Variants in EMID1 observed in about 807,000 individuals in gnomAD.
EMID1 encodes the protein EMI domain containing 1, also known as EMI domain-containing protein 1.
EMID1 carries 40 observed loss-of-function variants against 60.6 expected under a neutral mutation model. That is an observed-to-expected ratio of 0.66 (90% confidence interval 0.51 to 0.86). EMID1 has a LOEUF of 0.86. EMID1 is among the 40% of genes least tolerant of loss of function. The probability of loss-of-function intolerance (pLI) is 0.00; values close to 1 mark genes in which losing one functional copy is unlikely to be tolerated. For missense variants in EMID1, 585 were observed against 597.1 expected (o/e 0.98, Z 0.21); for synonymous variants, 242 against 231.0 (o/e 1.05, Z -0.43).
At chr22:29,215,742 TG>T in intron 3 of EMID1, 112 bp downstream of exon 3, 1 of 805,342 alleles carries the variant, frequency 1.2e-6, no homozygotes, top group Non-Finnish European at 2.0e-6. Flanking sequence ...CCATGCCTGC[TG>T]GGGCCAGCTG....
At chr22:29,241,952 C>T (rs2041168974) in intron 12 of EMID1, among the ~76,000 whole-genome samples, 1 of 151,974 alleles carries the variant, frequency 6.6e-6, no homozygotes, top group Admixed American at 6.6e-5. Flanking sequence ...GCTCTGTCAC[C>T]CAGGCTGGAG....
At chr22:29,207,971 G>A (rs1270253270) in intron 1 of EMID1, among the ~76,000 whole-genome samples, 3 of 152,224 alleles carry the variant, frequency 2.0e-5, no homozygotes, top group Non-Finnish European at 4.4e-5. Flanking sequence ...CAGGCTTGAT[G>A]TGTGACCTCA....
chr22:29,254,678 A>G (rs936383809), intron 14 of EMID1: 6 of 226,962 alleles, frequency 2.6e-5, no homozygotes, highest in African/African-American at 4.6e-5. Context: ...GCAAGGAACC[A>G]TGGGGAATCC....
intron 12 of EMID1, among the ~76,000 whole-genome samples, chr22:29,237,048 G>A: frequency 6.6e-6 from 1 of 151,898 alleles, no homozygotes; most frequent in East Asian, 2.0e-4. Flanking sequence ...ACCGGCCTTG[G>A]CCTCCCAAAG....
At chr22:29,255,559 A>G (rs2041672572) in intron 14 of EMID1, 1 of 438,486 alleles carries the variant, frequency 2.3e-6, no homozygotes, top group Non-Finnish European at 4.1e-6. Flanking sequence ...GCTCTGTGCC[A>G]GGCACCTTGC....
chr22:29,252,896 A>G (rs2041577643), intron 13 of EMID1, among the ~76,000 whole-genome samples: 1 of 152,224 alleles, frequency 6.6e-6, no homozygotes, highest in African/African-American at 2.4e-5. Flanking sequence ...CAGGGAGCCC[A>G]AAGCGTGAAG....
rs569772060 is a variant in EMID1 at position 29,216,514 on chromosome 22, A to C, written c.319+884A>C. 156 of 985,460 alleles carry C rather than the reference A, an allele frequency of 1.6e-4. No homozygotes were observed. The African/African-American group carries it at 2.5e-3, about 16-fold the overall frequency. The allele number at this position is 985,460 out of a possible 1,614,324, so 61.0% of individuals were successfully genotyped here. Reference sequence around the variant, plus strand: ...AGGGACAGAAGCATTCAGGGCCCCCACAGCAGCACATGAACGTGAACATCA... The same window carrying C: ...AGGGACAGAAGCATTCAGGGCCCCCCCAGCAGCACATGAACGTGAACATCA... On this transcript the variant is annotated intron_variant, in intron 3 of 14. Transcript: ENST00000334018.
At chr22:29,216,656 A>C (rs1247515338) in intron 3 of EMID1, 1 of 985,306 alleles carries the variant, frequency 1.0e-6, no homozygotes, top group Non-Finnish European at 1.2e-6. Context: ...GGAGATTTGC[A>C]CACTTCACCT....
chr22:29,255,441 C>T, intron 14 of EMID1: 1 of 1,085,288 alleles, frequency 9.2e-7, no homozygotes, highest in Non-Finnish European at 1.2e-6. Context: ...AAGGCGCCTT[C>T]CGATGCTTGG....
chr22:29,232,612 C>T, intron 8 of EMID1: 1 of 573,078 alleles, frequency 1.7e-6, no homozygotes, highest in Non-Finnish European at 2.9e-6. Context: ...TTGCCAGGGT[C>T]CCACAGCCTG....
chr22:29,236,559 C>T (rs1050936261), intron 12 of EMID1, among the ~76,000 whole-genome samples: 1 of 151,844 alleles, frequency 6.6e-6, no homozygotes, highest in Admixed American at 6.6e-5. Context: ...GGTATGGTGG[C>T]GCACTCCTGT....
At position 29,259,215 on chromosome 22, in the gene EMID1, G is replaced by A. The variant is rs1004277794; in HGVS notation, c.*271G>A. 4.2e-6 allele frequency: 2 copies of A among 481,900 alleles called. No homozygotes were observed. Among genetic ancestry groups the A allele is most frequent in the African/African-American group, 2.1e-5 (1 of 48,650 alleles). 29.9% of individuals were successfully genotyped at this position (481,900 alleles called of 1,614,324 possible). A position where few individuals can be genotyped will look rare whatever the true frequency, so the allele number is the denominator to read the frequency against. ...AGGAGGGATAGAGGTACAAGGCTTC[G>A]TCTCATCTGCTGTCTGAGCATCCAG... On this transcript the variant is annotated 3_prime_UTR_variant, in exon 15 of 15. Transcript: ENST00000334018.
chr22:29,226,715 G>A (rs2040526346), intron 5 of EMID1, among the ~76,000 whole-genome samples, 164 bp downstream of exon 5: 1 of 152,152 alleles, frequency 6.6e-6, no homozygotes, highest in Non-Finnish European at 1.5e-5. Flanking sequence ...CCCCTGTCAG[G>A]CATGTCATGG....
At chr22:29,230,814 T>C (rs1162630628) in intron 5 of EMID1, among the ~76,000 whole-genome samples, 1 of 152,050 alleles carries the variant, frequency 6.6e-6, no homozygotes, top group Non-Finnish European at 1.5e-5. Flanking sequence ...AAATTTGCCA[T>C]GTGTGGTGGT....
At chr22:29,252,556 T>C (rs1186216827) in intron 13 of EMID1, among the ~76,000 whole-genome samples, 1 of 151,274 alleles carries the variant, frequency 6.6e-6, no homozygotes, top group Non-Finnish European at 1.5e-5. Context: ...GAGGAAGGAG[T>C]GAGGGAGTGT....
intron 13 of EMID1, among the ~76,000 whole-genome samples, chr22:29,244,154 A>C (rs1314149878): frequency 6.6e-6 from 1 of 152,220 alleles, no homozygotes; most frequent in Non-Finnish European, 1.5e-5. Context: ...ACCATCACAT[A>C]CATAGGAGAC....
At chr22:29,248,188 A>C (rs144974557) in intron 13 of EMID1, among the ~76,000 whole-genome samples, 1 of 149,652 alleles carries the variant, frequency 6.7e-6, no homozygotes, top group African/African-American at 2.5e-5. Flanking sequence ...CAAACTCCTG[A>C]CTTCAAGTGA....
At chr22:29,228,155 T>C (rs2040597918) in intron 5 of EMID1, among the ~76,000 whole-genome samples, 2 of 70,544 alleles carry the variant, frequency 2.8e-5, no homozygotes, top group African/African-American at 6.7e-5. Context: ...AAACTCCATC[T>C]CAAAAAAAAA....
chr22:29,238,117 T>C (rs1278927628), intron 12 of EMID1, among the ~76,000 whole-genome samples: 2 of 143,282 alleles, frequency 1.4e-5, no homozygotes. Flanking sequence ...GGTATATTAC[T>C]CTCCACTCTC....
Sources: allele counts gnomAD v4.1 joint callset (sites outside exome capture counted in the v4.1 genomes callset), GRCh38; gene constraint gnomAD v4.1.1; transcripts MANE v1.5; gene names NCBI Gene and HGNC (gene_info 2026-07-23, HGNC 2026-07-21).